KCNQ5: variants seen among roughly 807,000 people sequenced by gnomAD.
KCNQ5 encodes the protein potassium voltage-gated channel subfamily KQT member 5.
KCNQ5 carries 30 observed loss-of-function variants against 98.2 expected under a neutral mutation model. The ratio of observed to expected loss-of-function variants is 0.31; its 90% CI spans 0.23 to 0.41. The LOEUF (loss-of-function observed/expected upper bound fraction) is 0.41, where lower values mean the gene tolerates loss of function less well. Ranked by LOEUF, KCNQ5 falls within the 10% of genes least tolerant of loss-of-function variation. KCNQ5 has a pLI of 1.00. For synonymous variants in KCNQ5, 458 were observed against 449.4 expected (o/e 1.02, Z -0.24); for missense variants, 835 against 1,182.5 (o/e 0.71, Z 4.31).
At chr6:72,659,927 G>A (rs1766422190) in intron 1 of KCNQ5, among the ~76,000 whole-genome samples, 1 of 152,124 alleles carries the variant, frequency 6.6e-6, no homozygotes, top group African/African-American at 2.4e-5. Flanking sequence ...CTCTATAGCT[G>A]TTCCACTTCT....
At chr6:73,046,970 G>A (rs1379856743) in intron 3 of KCNQ5, among the ~76,000 whole-genome samples, 2 of 152,126 alleles carry the variant, frequency 1.3e-5, no homozygotes, top group South Asian at 2.1e-4. Flanking sequence ...TATAGATGAG[G>A]AAGTAAGACA....
intron 6 of KCNQ5, among the ~76,000 whole-genome samples, chr6:73,108,826 CA>C (rs968076185): frequency 2.0e-5 from 3 of 150,896 alleles, no homozygotes; most frequent in Non-Finnish European, 4.4e-5. Flanking sequence ...GACTCCATCT[CA>C]AAAAAAATAA....
At chr6:72,837,558 A>G (rs1776558874) in intron 1 of KCNQ5, among the ~76,000 whole-genome samples, 1 of 152,188 alleles carries the variant, frequency 6.6e-6, no homozygotes, top group Non-Finnish European at 1.5e-5. Context: ...GGTAATGATT[A>G]CATTGAAATG....
intron 1 of KCNQ5, among the ~76,000 whole-genome samples, chr6:72,976,702 T>G (rs912641547): frequency 6.6e-6 from 1 of 152,226 alleles, no homozygotes; most frequent in African/African-American, 2.4e-5. Context: ...CTGGTCAATT[T>G]AAGTGAGGCT....
At chr6:73,141,507 G>A (rs1776709547) in intron 10 of KCNQ5, among the ~76,000 whole-genome samples, 1 of 152,188 alleles carries the variant, frequency 6.6e-6, no homozygotes, top group Admixed American at 6.5e-5. Context: ...TTATAGAACA[G>A]GATTTCTGTC....
intron 1 of KCNQ5, among the ~76,000 whole-genome samples, chr6:72,797,873 C>T (rs998198379): frequency 5.3e-5 from 8 of 151,998 alleles, no homozygotes; most frequent in Non-Finnish European, 7.4e-5. Context: ...TAGAATTATA[C>T]CTTCTATATT....
chr6:72,822,433 A>G (rs181719197), intron 1 of KCNQ5, among the ~76,000 whole-genome samples: 20 of 152,306 alleles, frequency 1.3e-4, no homozygotes, highest in Middle Eastern at 3.4e-3. Flanking sequence ...TGTACTCCCT[A>G]TTCCTTATGT....
intron 1 of KCNQ5, among the ~76,000 whole-genome samples, chr6:72,745,766 A>C (rs1447884074): frequency 6.6e-6 from 1 of 152,172 alleles, no homozygotes. Flanking sequence ...ACTTGATGCC[A>C]GAAGTTTGAA....
chr6:73,088,311 G>A (rs576477324), intron 5 of KCNQ5, among the ~76,000 whole-genome samples: 16 of 152,148 alleles, frequency 1.1e-4, no homozygotes, highest in African/African-American at 2.9e-4. Context: ...ATAAGCCACC[G>A]TGCCCAGACT....
At chr6:73,157,312 T>C (rs1777401673) in intron 10 of KCNQ5, among the ~76,000 whole-genome samples, 1 of 151,776 alleles carries the variant, frequency 6.6e-6, no homozygotes, top group Non-Finnish European at 1.5e-5. Context: ...GAGAAAGGCT[T>C]GAGTGTGCAG....
intron 1 of KCNQ5, among the ~76,000 whole-genome samples, chr6:72,677,907 TA>T (rs1767495426): frequency 6.6e-6 from 1 of 152,244 alleles, no homozygotes; most frequent in South Asian, 2.1e-4. Flanking sequence ...CGGTGGCTAG[TA>T]ATTACTGCCA....
chr6:73,180,764 G>T (rs942407562), intron 11 of KCNQ5, among the ~76,000 whole-genome samples: 9 of 152,158 alleles, frequency 5.9e-5, no homozygotes, highest in Non-Finnish European at 4.4e-5. Flanking sequence ...AGCTCCCTAG[G>T]TGATTCCAAA....
chr6:72,987,260 G>T lies in KCNQ5; in HGVS notation c.399-16648G>T, dbSNP rs796950404. ...AGAGTGGGGCAGCAAGAGACCCTTG[G>T]AAGGAGGAAACAGAGACGGACTTAG... On this transcript the variant is annotated intron_variant, in intron 1 of 13. Transcript: ENST00000370398. 7 of 690,918 alleles carry T rather than the reference G, an allele frequency of 1.0e-5. No individual in the cohort carries two copies. In the African/African-American group the frequency reaches 1.2e-4, roughly 12 times the overall value. 42.8% of individuals were successfully genotyped at this position (690,918 alleles called of 1,614,324 possible). A position where few individuals can be genotyped will look rare whatever the true frequency, so the allele number is the denominator to read the frequency against.
chr6:73,179,217 A>C (rs1195746866), intron 11 of KCNQ5, among the ~76,000 whole-genome samples: 1 of 152,160 alleles, frequency 6.6e-6, no homozygotes, highest in African/African-American at 2.4e-5. Context: ...TATTTCTTAC[A>C]GTTATGGAGG....
chr6:72,944,512 G>T (rs1021404014), intron 1 of KCNQ5, among the ~76,000 whole-genome samples: 1 of 152,154 alleles, frequency 6.6e-6, no homozygotes, highest in Non-Finnish European at 1.5e-5. Flanking sequence ...TCTCACACAA[G>T]TTACCTCCTA....
chr6:73,148,232 AT>A (rs1271170965), intron 10 of KCNQ5, among the ~76,000 whole-genome samples: 1 of 152,222 alleles, frequency 6.6e-6, no homozygotes, highest in Non-Finnish European at 1.5e-5. Context: ...TTTTGCCAGC[AT>A]TTCTGCTAGC....
intron 1 of KCNQ5, among the ~76,000 whole-genome samples, chr6:72,864,031 G>A (rs1048550758): frequency 5.9e-5 from 9 of 152,038 alleles, no homozygotes; most frequent in Non-Finnish European, 1.2e-4. Flanking sequence ...CAGCCTCCCC[G>A]CGGCAAGTAG....
intron 1 of KCNQ5, among the ~76,000 whole-genome samples, chr6:72,688,603 C>G (rs567962177): frequency 6.6e-6 from 1 of 152,236 alleles, no homozygotes; most frequent in East Asian, 1.9e-4. Flanking sequence ...TGATTTCTCT[C>G]AGCAATGTTC....
intron 2 of KCNQ5, among the ~76,000 whole-genome samples, chr6:73,031,141 G>A (rs10498887): frequency 0.079 from 12,041 of 152,194 alleles, 538 homozygotes; most frequent in East Asian, 0.21. Flanking sequence ...TAAGAACAAC[G>A]GTGTAACCAT....
Sources: allele counts gnomAD v4.1 joint callset (sites outside exome capture counted in the v4.1 genomes callset), GRCh38; gene constraint gnomAD v4.1.1; transcripts MANE v1.5; gene names NCBI Gene and HGNC (gene_info 2026-07-23, HGNC 2026-07-21).